LRRC37A2: variants seen among roughly 807,000 people sequenced by gnomAD.
LRRC37A2 encodes leucine-rich repeat-containing protein 37A2.
Under a neutral mutation model 68.8 loss-of-function variants are expected in LRRC37A2, and 9 were observed. The observed-to-expected ratio is 0.13, with a 90% confidence interval of 0.08 to 0.23. LRRC37A2 has a LOEUF of 0.23. Among genes scored for constraint, LRRC37A2 ranks in the 10% least tolerant of loss-of-function variants. LRRC37A2 has a pLI of 1.00. For synonymous variants in LRRC37A2, 63 were observed against 367.6 expected, an observed-to-expected ratio of 0.17 and a Z score of 9.48; for missense variants, 168 against 950.4, an observed-to-expected ratio of 0.18 and a Z score of 10.82.
At chr17:46,795,895 T>TGCACGCACACACAC in the LRRC37A2 span, among the ~76,000 whole-genome samples, 1 of 151,920 alleles carries the variant, frequency 6.6e-6, no homozygotes, top group Admixed American at 6.6e-5. Context: ...CACACACACA[T>TGCACGCACACACAC]GCATGCACGC....
chr17:46,927,102 T>C, the LRRC37A2 span, among the ~76,000 whole-genome samples: 1 of 152,380 alleles, frequency 6.6e-6, no homozygotes, highest in African/African-American at 2.4e-5. Context: ...TTTGATGGGC[T>C]GAAGAAATGT....
the LRRC37A2 span, among the ~76,000 whole-genome samples, chr17:46,970,214 C>T: frequency 6.6e-6 from 1 of 152,162 alleles, no homozygotes; most frequent in Non-Finnish European, 1.5e-5. Flanking sequence ...GTACAGCTTC[C>T]ATCCTAAAGC....
At chr17:46,996,834 G>T in the LRRC37A2 span, among the ~76,000 whole-genome samples, 1 of 152,166 alleles carries the variant, frequency 6.6e-6, no homozygotes, top group Admixed American at 6.5e-5. Flanking sequence ...TATTTATTAT[G>T]ATTTTGTCGG....
At chr17:46,735,000 G>A in the LRRC37A2 span, among the ~76,000 whole-genome samples, 3 of 152,134 alleles carry the variant, frequency 2.0e-5, no homozygotes, top group Non-Finnish European at 2.9e-5. Flanking sequence ...GCAGGAAGCT[G>A]ATTCTTACCA....
the LRRC37A2 span, among the ~76,000 whole-genome samples, chr17:46,955,940 C>G: frequency 1.3e-5 from 2 of 152,186 alleles, no homozygotes; most frequent in African/African-American, 4.8e-5. Flanking sequence ...GGCGAAGACT[C>G]TAATTCCTTA....
the LRRC37A2 span, among the ~76,000 whole-genome samples, chr17:47,020,091 T>A: frequency 6.6e-6 from 1 of 150,874 alleles, no homozygotes; most frequent in Non-Finnish European, 1.5e-5. Context: ...CTTCACCCTC[T>A]TTACAGCAGC....
chr17:47,023,555 C>T, the LRRC37A2 span, among the ~76,000 whole-genome samples: 9 of 152,100 alleles, frequency 5.9e-5, no homozygotes, highest in Non-Finnish European at 8.8e-5. Context: ...GTGGTGGGTG[C>T]CTGTAATCCC....
chr17:46,918,069 A>G, the LRRC37A2 span, among the ~76,000 whole-genome samples: 1 of 151,990 alleles, frequency 6.6e-6, no homozygotes, highest in Non-Finnish European at 1.5e-5. Flanking sequence ...GAATTTTATA[A>G]CACAGTTTTG....
the LRRC37A2 span, among the ~76,000 whole-genome samples, chr17:46,908,751 C>T: frequency 3.7e-4 from 56 of 152,278 alleles, no homozygotes; most frequent in African/African-American, 1.1e-3. Context: ...CAGGGGCCTC[C>T]GTGCCTCACT....
the LRRC37A2 span, among the ~76,000 whole-genome samples, chr17:46,967,594 G>A: frequency 6.6e-6 from 1 of 152,194 alleles, no homozygotes; most frequent in African/African-American, 2.4e-5. Context: ...ACTCTGCAGT[G>A]TTCTCTGGGT....
the LRRC37A2 span, among the ~76,000 whole-genome samples, chr17:46,860,861 T>C: frequency 5.3e-5 from 8 of 152,206 alleles, no homozygotes; most frequent in African/African-American, 1.7e-4. Flanking sequence ...AATTTCACTT[T>C]TTTTTTATTT....
the LRRC37A2 span, among the ~76,000 whole-genome samples, chr17:46,789,981 G>A: frequency 9.2e-4 from 140 of 152,302 alleles, no homozygotes; most frequent in African/African-American, 3.3e-3. Flanking sequence ...AGGATGGGCA[G>A]GTGAAGACAG....
the LRRC37A2 span, chr17:46,935,293 G>T: frequency 6.4e-7 from 1 of 1,569,366 alleles, no homozygotes; most frequent in South Asian, 1.2e-5. Context: ...ACAAGACAGA[G>T]CCCTTGAGTT....
chr17:46,558,537 C>T (rs1440317135), downstream of LRRC37A2, among the ~76,000 whole-genome samples: 2 of 114,708 alleles, frequency 1.7e-5, no homozygotes, highest in African/African-American at 3.4e-5. Flanking sequence ...CAGGCACCCA[C>T]CACCATGCCC....
the LRRC37A2 span, among the ~76,000 whole-genome samples, chr17:46,873,825 A>G: frequency 2.0e-5 from 3 of 152,036 alleles, no homozygotes; most frequent in Non-Finnish European, 4.4e-5. Flanking sequence ...CCCCATCTCT[A>G]CTAAAAATAC....
chr17:46,783,716 C>G, the LRRC37A2 span, among the ~76,000 whole-genome samples: 4 of 152,126 alleles, frequency 2.6e-5, no homozygotes, highest in Admixed American at 2.6e-4. Context: ...GAGCAGCTAC[C>G]GAGCTGGAGA....
the LRRC37A2 span, among the ~76,000 whole-genome samples, chr17:47,036,438 C>T: frequency 6.6e-6 from 1 of 151,940 alleles, no homozygotes. Context: ...AGATTTACTC[C>T]CATGTGTTTG....
At chr17:46,771,381 C>T in the LRRC37A2 span, among the ~76,000 whole-genome samples, 88 of 151,678 alleles carry the variant, frequency 5.8e-4, no homozygotes, top group Middle Eastern at 6.9e-3. Context: ...GAAGAGGGGC[C>T]GAGGGCGGGT....
the LRRC37A2 span, among the ~76,000 whole-genome samples, chr17:46,812,271 G>A: frequency 6.6e-6 from 1 of 152,226 alleles, no homozygotes; most frequent in African/African-American, 2.4e-5. Context: ...GACAGGGAGG[G>A]CCTGGATGGG....
Sources: gnomAD v4.1 joint callset for allele counts (sites outside exome capture counted in the v4.1 genomes callset) on GRCh38, gnomAD v4.1.1 for gene constraint, MANE v1.5 for transcripts, NCBI Gene and HGNC (gene_info 2026-07-23, HGNC 2026-07-21) for gene names.